The following MACROD2 variants were observed in gnomAD, a reference collection of about 807,000 sequenced individuals.
The protein encoded by MACROD2 is ADP-ribose glycohydrolase MACROD2.
A neutral mutation model predicts 70.4 loss-of-function variants in MACROD2; 36 were observed. The ratio of observed to expected loss-of-function variants is 0.51; its 90% confidence interval spans 0.39 to 0.68. The LOEUF is 0.68. Ranked by LOEUF, MACROD2 falls within the 30% of genes least tolerant of loss-of-function variation. The pLI is 0.00. For synonymous variants in MACROD2, 172 were observed against 178.8 expected (o/e 0.96, Z 0.30); for missense variants, 496 against 538.4 (o/e 0.92, Z 0.78).
At chr20:15,827,350 A>C (rs2064008210) in intron 8 of MACROD2, among the ~76,000 whole-genome samples, 1 of 152,210 alleles carries the variant, frequency 6.6e-6, no homozygotes, top group Non-Finnish European at 1.5e-5. Flanking sequence ...AAGGATTATT[A>C]AATACCTCAG....
At chr20:14,525,944 G>T (rs1436254911) in intron 4 of MACROD2, among the ~76,000 whole-genome samples, 1 of 152,048 alleles carries the variant, frequency 6.6e-6, no homozygotes, top group Non-Finnish European at 1.5e-5. Flanking sequence ...TTCTAATCAT[G>T]CTTCCTGAAG....
chr20:14,250,323 C>T (rs1194332182), intron 3 of MACROD2, among the ~76,000 whole-genome samples: 1 of 152,058 alleles, frequency 6.6e-6, no homozygotes, highest in Non-Finnish European at 1.5e-5. Context: ...TCCTCACCTC[C>T]CCACCCCCAG....
At position 14,013,371 on chromosome 20, in the gene MACROD2, C is replaced by T. The variant is rs541718277; in HGVS notation, c.163+10967C>T. On this transcript the variant is annotated intron_variant, in intron 2 of 17. Coordinates refer to ENST00000684519, the MANE Select transcript of MACROD2 (RefSeq NM_001351661.2). ...CACTGCAAGCTCCGCCTCCCAGGTTCATGCCATACTCCTGCCTCAGCCTCC... is the reference window on the plus strand; with the variant it reads ...CACTGCAAGCTCCGCCTCCCAGGTTTATGCCATACTCCTGCCTCAGCCTCC... Among the ~76,000 whole-genome samples, 23 of 150,752 alleles carry T rather than the reference C, an allele frequency of 1.5e-4. 1 individual carries two copies. The South Asian group carries it at 4.8e-3, about 32-fold the overall frequency.
At chr20:14,629,780 TTTTTTC>T (rs1441854832) in intron 4 of MACROD2, among the ~76,000 whole-genome samples, 3 of 152,184 alleles carry the variant, frequency 2.0e-5, no homozygotes, top group Non-Finnish European at 4.4e-5. Flanking sequence ...TAGCCAAGCC[TTTTTTC>T]TTTTTATCCT....
intron 2 of MACROD2, chr20:14,051,733 G>T: frequency 2.4e-6 from 1 of 416,140 alleles, no homozygotes; most frequent in Admixed American, 2.7e-5. Flanking sequence ...TATCCTGGTG[G>T]GTATTTTTGA....
chr20:15,631,907 G>A (rs2049296953), intron 8 of MACROD2, among the ~76,000 whole-genome samples: 1 of 152,186 alleles, frequency 6.6e-6, no homozygotes, highest in Non-Finnish European at 1.5e-5. Context: ...GGAGGCTGAG[G>A]CAGGTGGATT....
chr20:14,321,769 T>G (rs1300713012), intron 3 of MACROD2, among the ~76,000 whole-genome samples: 2 of 152,166 alleles, frequency 1.3e-5, no homozygotes, highest in East Asian at 1.9e-4. Flanking sequence ...CCAAGTTCTT[T>G]TCACTAGTTT....
intron 8 of MACROD2, among the ~76,000 whole-genome samples, chr20:15,532,528 G>A (rs1215061405): frequency 1.3e-5 from 2 of 151,812 alleles, no homozygotes; most frequent in African/African-American, 4.9e-5. Context: ...GAAAAGTGAG[G>A]TATATTAAGT....
At chr20:14,862,579 ATATG>A (rs1348424145) in intron 5 of MACROD2, among the ~76,000 whole-genome samples, 18 of 41,554 alleles carry the variant, frequency 4.3e-4, no homozygotes, top group African/African-American at 1.5e-3. Context: ...ATATAAATAT[ATATG>A]TATAAATATA....
At chr20:14,590,944 A>G (rs976945451) in intron 4 of MACROD2, among the ~76,000 whole-genome samples, 10 of 152,162 alleles carry the variant, frequency 6.6e-5, no homozygotes, top group African/African-American at 1.9e-4. Context: ...TCTGCATTTG[A>G]TTTTAGAGAC....
intron 12 of MACROD2, among the ~76,000 whole-genome samples, chr20:15,948,477 T>C (rs1001717666): frequency 1.3e-5 from 2 of 150,888 alleles, no homozygotes; most frequent in Non-Finnish European, 2.9e-5. Context: ...TTTCCCAAAT[T>C]TGTTTTTTAC....
intron 15 of MACROD2, among the ~76,000 whole-genome samples, chr20:16,018,391 T>A (rs1452246344): frequency 6.6e-6 from 1 of 152,198 alleles, no homozygotes; most frequent in Non-Finnish European, 1.5e-5. Context: ...AGTCATCCTT[T>A]TGACTACCAA....
intron 5 of MACROD2, among the ~76,000 whole-genome samples, chr20:14,859,884 T>A (rs561615619): frequency 6.6e-6 from 1 of 152,252 alleles, no homozygotes; most frequent in African/African-American, 2.4e-5. Context: ...GAATGTTAAA[T>A]CAGGACAGGG....
At chr20:15,454,656 A>ACTGCAAAAGATATACTTTGAACTGTG (rs1283579454) in intron 7 of MACROD2, among the ~76,000 whole-genome samples, 4 of 130,564 alleles carry the variant, frequency 3.1e-5, no homozygotes, top group South Asian at 2.7e-4. Flanking sequence ...AGTTTCCAGC[A>ACTGCAAAAGATATACTTTGAACTGTG]GTCACGCTGG....
intron 9 of MACROD2, among the ~76,000 whole-genome samples, chr20:15,870,705 A>G (rs772999687): frequency 2.0e-5 from 3 of 152,116 alleles, no homozygotes; most frequent in Non-Finnish European, 4.4e-5. Flanking sequence ...GAGCCAATAC[A>G]TTTCTGTTCA....
intron 10 of MACROD2, among the ~76,000 whole-genome samples, chr20:15,888,711 T>G (rs968065564): frequency 3.3e-5 from 5 of 152,136 alleles, no homozygotes; most frequent in African/African-American, 1.2e-4. Flanking sequence ...TCAAGTCATA[T>G]TCAATGGCCC....
At chr20:15,917,193 C>A (rs909877752) in intron 10 of MACROD2, among the ~76,000 whole-genome samples, 13 of 152,102 alleles carry the variant, frequency 8.5e-5, no homozygotes, top group Non-Finnish European at 4.4e-5. Context: ...CTCAAATTTC[C>A]TAAAAGATCC....
At chr20:15,196,567 A>G (rs895956755) in intron 5 of MACROD2, among the ~76,000 whole-genome samples, 2 of 152,186 alleles carry the variant, frequency 1.3e-5, no homozygotes, top group Non-Finnish European at 2.9e-5. Context: ...ACAAAAATCT[A>G]TGGGTTAACG....
chr20:14,471,229 C>T (rs117747973), intron 3 of MACROD2, among the ~76,000 whole-genome samples: 20 of 150,508 alleles, frequency 1.3e-4, no homozygotes, highest in South Asian at 1.0e-3. Context: ...CACCCTGCTT[C>T]GGCTAGCCCT....
Sources: gnomAD v4.1 joint callset for allele counts (sites outside exome capture counted in the v4.1 genomes callset) on GRCh38, gnomAD v4.1.1 for gene constraint, MANE v1.5 for transcripts, NCBI Gene and HGNC (gene_info 2026-07-23, HGNC 2026-07-21) for gene names.